AGBL4: variants seen among roughly 807,000 people sequenced by gnomAD.
AGBL4 encodes the protein cytosolic carboxypeptidase 6.
Under a neutral mutation model 66.4 loss-of-function variants are expected in AGBL4, and 58 were observed. The ratio of observed to expected loss-of-function variants is 0.87; its 90% CI spans 0.71 to 1.09. The LOEUF is 1.09. Ranked by LOEUF, AGBL4 falls within the 50% of genes least tolerant of loss-of-function variation. The pLI is 0.00. For missense variants in AGBL4, 579 were observed against 631.0 expected, an observed-to-expected ratio of 0.92 and a Z score of 0.88; for synonymous variants, 234 against 222.9, an observed-to-expected ratio of 1.05 and a Z score of -0.44.
intron 6 of AGBL4, among the ~76,000 whole-genome samples, chr1:48,755,364 C>T (rs940373900): frequency 5.3e-5 from 8 of 152,192 alleles, no homozygotes; most frequent in African/African-American, 1.9e-4. Flanking sequence ...TGAGCACCTC[C>T]TGACCTGTTG....
chr1:48,689,650 C>G (rs994606185), intron 6 of AGBL4, among the ~76,000 whole-genome samples: 2 of 152,130 alleles, frequency 1.3e-5, no homozygotes, highest in Admixed American at 1.3e-4. Flanking sequence ...CTTATCACAC[C>G]ATGTTAGAAA....
At chr1:48,796,661 A>G (rs1394304430) in intron 6 of AGBL4, among the ~76,000 whole-genome samples, 1 of 152,228 alleles carries the variant, frequency 6.6e-6, no homozygotes, top group Non-Finnish European at 1.5e-5. Flanking sequence ...AGCACAGTTT[A>G]GCAGGTCAGG....
chr1:49,761,646 A>G (rs2147862951), intron 2 of AGBL4, among the ~76,000 whole-genome samples: 1 of 152,352 alleles, frequency 6.6e-6, no homozygotes, highest in East Asian at 1.9e-4. Context: ...ATAATGTTCA[A>G]ATCGGGGTTA....
At chr1:48,756,224 T>C (rs1414300011) in intron 6 of AGBL4, among the ~76,000 whole-genome samples, 1 of 152,218 alleles carries the variant, frequency 6.6e-6, no homozygotes, top group African/African-American at 2.4e-5. Flanking sequence ...GATTCCTGTT[T>C]GGGTAACAAA....
intron 1 of AGBL4, among the ~76,000 whole-genome samples, chr1:49,889,779 G>A (rs529889504): frequency 1.3e-5 from 2 of 152,040 alleles, no homozygotes; most frequent in East Asian, 1.9e-4. Context: ...AAATAATCAG[G>A]TTTTCTAATC....
chr1:49,403,684 G>C (rs1645136283), intron 3 of AGBL4, among the ~76,000 whole-genome samples: 1 of 152,068 alleles, frequency 6.6e-6, no homozygotes, highest in Non-Finnish European at 1.5e-5. Flanking sequence ...GAAGAGTTTG[G>C]TATTTATTGC....
chr1:49,697,813 T>C (rs1444397738), intron 2 of AGBL4, among the ~76,000 whole-genome samples: 3 of 152,216 alleles, frequency 2.0e-5, no homozygotes, highest in Non-Finnish European at 2.9e-5. Context: ...TATTTTGTAT[T>C]AAGCTTCATT....
chr1:49,553,618 G>A (rs1015815133), intron 3 of AGBL4, among the ~76,000 whole-genome samples: 11 of 151,992 alleles, frequency 7.2e-5, no homozygotes, highest in Non-Finnish European at 1.2e-4. Context: ...TATTATCAGC[G>A]AAAAGACCCC....
At chr1:49,831,857 A>G (rs1645690688) in intron 2 of AGBL4, among the ~76,000 whole-genome samples, 1 of 152,158 alleles carries the variant, frequency 6.6e-6, no homozygotes. Context: ...TTCTGCATCT[A>G]TGGAGATAAT....
chr1:49,224,360 G>C (rs989980743), intron 4 of AGBL4, among the ~76,000 whole-genome samples: 8 of 152,148 alleles, frequency 5.3e-5, no homozygotes, highest in African/African-American at 1.9e-4. Context: ...ACTTATGCCT[G>C]TAATCCCAGC....
At chr1:48,630,011 G>T (rs1645567961) in intron 9 of AGBL4, among the ~76,000 whole-genome samples, 1 of 152,154 alleles carries the variant, frequency 6.6e-6, no homozygotes, top group Admixed American at 6.5e-5. Context: ...TCCCTGCTGG[G>T]CGCCAGAGAC....
At chr1:49,739,729 G>A (rs1198476821) in intron 2 of AGBL4, among the ~76,000 whole-genome samples, 1 of 152,212 alleles carries the variant, frequency 6.6e-6, no homozygotes, top group East Asian at 1.9e-4. Context: ...CAAGCCAGAA[G>A]AGAGTGGGGG....
At chr1:48,522,655 G>A in the AGBL4 span, among the ~76,000 whole-genome samples, 3 of 152,094 alleles carry the variant, frequency 2.0e-5, no homozygotes, top group African/African-American at 7.2e-5. Flanking sequence ...TCACCAGCTC[G>A]TCTCACCTCT....
At chr1:49,096,492 T>C (rs1286324076) in intron 4 of AGBL4, among the ~76,000 whole-genome samples, 1 of 151,636 alleles carries the variant, frequency 6.6e-6, no homozygotes, top group African/African-American at 2.4e-5. Flanking sequence ...ATATACACCA[T>C]GGAATACTAT....
At chr1:49,117,735 AG>A (rs1438995361) in intron 4 of AGBL4, among the ~76,000 whole-genome samples, 1 of 152,112 alleles carries the variant, frequency 6.6e-6, no homozygotes, top group South Asian at 2.1e-4. Flanking sequence ...ACTTTAAAGT[AG>A]TTTTTTCCAG....
chr1:48,661,329 G>C (rs1646104351), intron 7 of AGBL4, among the ~76,000 whole-genome samples: 2 of 152,184 alleles, frequency 1.3e-5, no homozygotes, highest in East Asian at 1.9e-4. Context: ...GCAGGCACAG[G>C]GCCTGCCAGG....
chr1:49,692,465 T>G lies in AGBL4; in HGVS notation c.282+4848A>C, dbSNP rs180741601. ...CAGACACAGTGGCTCACGCCTGTAA[T>G]CCCAGCACTTTGGGAGGCTGAGGCG... On this transcript the variant is annotated intron_variant, in intron 3 of 13. Transcript: ENST00000371839. Among the ~76,000 whole-genome samples the G allele has an allele frequency of 3.2e-3, 481 of 152,194 alleles. 3 individuals carry two copies. The highest frequency in any genetic ancestry group is 0.011 in the African/African-American group (465 of 41,530).
chr1:49,037,065 T>A (rs962299708), intron 5 of AGBL4, among the ~76,000 whole-genome samples: 17 of 152,068 alleles, frequency 1.1e-4, no homozygotes, highest in African/African-American at 4.1e-4. Flanking sequence ...ACTTAAAGTA[T>A]AATAATAAAA....
At chr1:49,840,868 C>T (rs1195577759) in intron 2 of AGBL4, among the ~76,000 whole-genome samples, 5 of 152,140 alleles carry the variant, frequency 3.3e-5, no homozygotes, top group Admixed American at 6.5e-5. Context: ...TAATAAGAGC[C>T]GTCTCTGGCA....
Sources: allele counts gnomAD v4.1 joint callset (sites outside exome capture counted in the v4.1 genomes callset), GRCh38; gene constraint gnomAD v4.1.1; transcripts MANE v1.5; gene names NCBI Gene and HGNC (gene_info 2026-07-23, HGNC 2026-07-21).